Variants in ALKBH7 observed in about 807,000 individuals in gnomAD.
ALKBH7 encodes RNA demethylase ALKBH7, mitochondrial.
A neutral mutation model predicts 19.3 loss-of-function variants in ALKBH7; 21 were observed. The ratio of observed to expected loss-of-function variants is 1.09; its 90% CI spans 0.77 to 1.56. The LOEUF (loss-of-function observed/expected upper bound fraction) is 1.56, where lower values mean the gene tolerates loss of function less well. ALKBH7 is among the 40% of genes most tolerant of loss of function. The probability of loss-of-function intolerance (pLI) is 0.00; values close to 1 mark genes in which losing one functional copy is unlikely to be tolerated. For missense variants in ALKBH7, 354 were observed against 311.4 expected (o/e 1.14, Z -1.03); for synonymous variants, 147 against 139.5 (o/e 1.05, Z -0.38).
intron 1 of ALKBH7, chr19:6,373,854 C>T (rs1031735772): frequency 1.5e-6 from 2 of 1,311,772 alleles, no homozygotes; most frequent in Non-Finnish European, 1.9e-6. Flanking sequence ...AGGGAGAGCA[C>T]TTTTGCGACC....
rs760902515 is a variant in ALKBH7, at chr19:6,374,825, A to T, written c.518A>T (p.Tyr173Phe). The part of the protein sequence containing the change: ...SLYILRGSAR[Y>F]DFSHEILRDE... ...TCTTCCTGCAGGGGCTCAGCCCGTT[A>T]TGACTTCTCCCATGAGATCCTTCGG... The change falls in exon 4 of 4, where the codon TAT becomes TTT. Residue 173 changes from tyrosine to phenylalanine, a missense_variant. Transcript: ENST00000245812. The T allele has an allele frequency of 8.1e-6, 13 of 1,613,058 alleles. No individual in the cohort carries two copies. The highest frequency in any genetic ancestry group is 8.5e-6 in the Non-Finnish European group (10 of 1,179,230).
In ALKBH7 at chr19:6,374,221, G is replaced by C. The variant is rs781720510; in HGVS notation, c.223G>C (p.Glu75Gln). Residue 75 changes from glutamate (E) to glutamine (Q), a missense_variant, in exon 2 of 4, where the codon GAG (glutamate) becomes CAG (glutamine). Physicochemically the swap from Glu to Gln is conservative, Grantham distance 29 (BLOSUM62 2). Transcript: ENST00000245812. ...TGTGCAGGCCATCCACGGCTTCCGAGAGACAGAGAAGTCGCGCTGGTCAGA... is the reference window on the plus strand; with the variant it reads ...TGTGCAGGCCATCCACGGCTTCCGACAGACAGAGAAGTCGCGCTGGTCAGA... ...HWDAAIHGFR[E>Q]TEKSRWSEAS... 6.2e-7 allele frequency: 1 copy of C among 1,613,152 alleles called. No individual in the cohort carries two copies. The highest frequency in any genetic ancestry group is 1.1e-5 in the South Asian group (1 of 91,068).
intron 1 of ALKBH7, chr19:6,373,743 G>C: frequency 7.9e-7 from 1 of 1,261,784 alleles, no homozygotes; most frequent in South Asian, 3.3e-5. Flanking sequence ...TTTTGGGGTC[G>C]GTAGCTATTG....
In ALKBH7 at chr19:6,372,902, C is replaced by T. The variant is rs1320215156; in HGVS notation, c.82C>T (p.Arg28Cys). 7.7e-5 allele frequency: 120 copies of T among 1,554,030 alleles called. No individual in the cohort carries two copies. The highest frequency in any genetic ancestry group is 9.8e-5 in the Non-Finnish European group (113 of 1,152,052). Residue 28 changes from arginine (R) to cysteine (C), a missense_variant, in exon 1 of 4, where the codon CGC becomes TGC. Coordinates refer to ENST00000245812, the MANE Select transcript of ALKBH7 (RefSeq NM_032306.4). ...VRGSGPSVLS[R>C]LQDAAVVRPG... Reference sequence around the variant, plus strand: ...AGGCTCGGGCCCTTCCGTGCTGAGCCGCCTGCAGGACGCGGCCGTGGTGCG... The same window carrying T: ...AGGCTCGGGCCCTTCCGTGCTGAGCTGCCTGCAGGACGCGGCCGTGGTGCG...
intron 1 of ALKBH7, 125 bp from the exon 2 acceptor site, chr19:6,374,078 T>G: frequency 2.6e-6 from 4 of 1,537,438 alleles, no homozygotes; most frequent in Non-Finnish European, 3.5e-6. Flanking sequence ...CTAGGGGAGT[T>G]TGAGTTGAGG....
chr19:6,374,497 C>T lies in ALKBH7; in HGVS notation c.411C>T (p.Leu137=). Residue 137 remains leucine (L), a synonymous_variant, in exon 3 of 4, where the codon CTC becomes CTT. Transcript: ENST00000245812. ...GGGCCACCATCGCCGGCCTGTCTCTCCTGTCTCCCAGCGTTATGCGGCTGG... is the reference window on the plus strand; with the variant it reads ...GGGCCACCATCGCCGGCCTGTCTCTTCTGTCTCCCAGCGTTATGCGGCTGG... ...FCGATIAGLS[L]LSPSVMRLVH... The T allele has an allele frequency of 6.2e-7, 1 of 1,614,074 alleles. No homozygotes were observed. Among genetic ancestry groups the T allele is most frequent in the Non-Finnish European group, 8.5e-7 (1 of 1,179,980 alleles).
At chr19:6,373,615 G>C in intron 1 of ALKBH7, 1 of 1,236,842 alleles carries the variant, frequency 8.1e-7, no homozygotes, top group Non-Finnish European at 1.0e-6. Flanking sequence ...GTGGAGTCAA[G>C]CGCCGGGATG....
At chr19:6,373,536 G>T in intron 1 of ALKBH7, 10 of 783,782 alleles carry the variant, frequency 1.3e-5, no homozygotes, top group Non-Finnish European at 1.7e-5. Flanking sequence ...GAACGTGGCG[G>T]CTGGGATTGG....
At chr19:6,374,685 A>G in intron 3 of ALKBH7, 96 bp downstream of exon 3, 2 of 1,604,302 alleles carry the variant, frequency 1.2e-6, no homozygotes, top group East Asian at 4.5e-5. Flanking sequence ...CTCCCCGAAG[A>G]CGCCTTTACC....
intron 3 of ALKBH7, 104 bp from the exon 4 acceptor site, chr19:6,374,707 G>T: frequency 6.2e-7 from 1 of 1,600,240 alleles, no homozygotes; most frequent in Non-Finnish European, 8.5e-7. Flanking sequence ...CAGGGTCTGT[G>T]TGGGAGGCAG....
In ALKBH7 at chr19:6,374,280, G is replaced by A. The variant is rs746006525; in HGVS notation, c.282G>A (p.Ala94=). 1.2e-6 allele frequency: 2 copies of A among 1,613,040 alleles called. No homozygotes were observed. Among genetic ancestry groups the A allele is most frequent in the South Asian group, 2.2e-5 (2 of 91,046 alleles). ...GGGCCATCCTGCAGCGCGTGCAGGC[G>A]GCCGCCTTTGGCCCCGGCCAGACCC... is the stretch of plus-strand genomic sequence containing the variant. ...ASRAILQRVQ[A]AAFGPGQTLL... The change falls in exon 2 of 4, where the codon GCG becomes GCA. Residue 94 remains alanine (A), a synonymous_variant. Coordinates refer to ENST00000245812, the MANE Select transcript of ALKBH7 (RefSeq NM_032306.4).
At chr19:6,373,045 G>A (rs1172309637) in intron 1 of ALKBH7, 21 bp downstream of exon 1, 11 of 1,546,468 alleles carry the variant, frequency 7.1e-6, no homozygotes, top group Middle Eastern at 2.3e-4. Flanking sequence ...CAGCGCCGGG[G>A]GCGAGGGACG....
rs746090472 is a variant in ALKBH7, at chr19:6,375,063, C to T, written c.*90C>T. 4.1e-5 allele frequency: 61 copies of T among 1,476,856 alleles called. No individual in the cohort carries two copies. The African/African-American group carries it at 6.7e-4, about 16-fold the overall frequency. The allele number at this position is 1,476,856 out of a possible 1,614,324, so 91.5% of individuals were successfully genotyped here. The stretch of plus-strand genomic sequence containing the variant: ...CATTGCAGTGGCTGCTTGCTGGGGC[C>T]GGGATTTGCAGGGGAACCCAGGATG... On this transcript the variant is annotated 3_prime_UTR_variant, in exon 4 of 4. Coordinates refer to ENST00000245812, the MANE Select transcript of ALKBH7 (RefSeq NM_032306.4).
Position 6,374,582 on chromosome 19 carries a change from A to G in ALKBH7, c.496A>G (p.Ile166Val). Residue 166 changes from isoleucine to valine, a missense_variant, in exon 3 of 4, where the codon ATC (isoleucine) becomes GTC (valine). By Grantham distance (29) the Ile-to-Val change is conservative. Coordinates refer to ENST00000245812, the MANE Select transcript of ALKBH7 (RefSeq NM_032306.4). Reference sequence around the variant, plus strand: ...CTTGCTGGAGCCGGGCTCCCTCTACATCCTTAGGTACCTCCATCCAGGCAG... The same window carrying G: ...CTTGCTGGAGCCGGGCTCCCTCTACGTCCTTAGGTACCTCCATCCAGGCAG... Reference protein sequence around the residue: ...ELLLEPGSLYILRGSARYDFS... With the variant: ...ELLLEPGSLYVLRGSARYDFS... 2 of 1,612,842 alleles carry G rather than the reference A, an allele frequency of 1.2e-6. No homozygotes were observed. Among genetic ancestry groups the G allele is most frequent in the Non-Finnish European group, 1.7e-6 (2 of 1,179,894 alleles).
chr19:6,372,840 T>TGGCGCTGCG lies in ALKBH7; in HGVS notation c.22_30dup (p.Ala8_Arg10dup), dbSNP rs1276412508. 6 of 1,546,658 alleles carry TGGCGCTGCG rather than the reference T, an allele frequency of 3.9e-6. No individual in the cohort carries two copies. In the African/African-American group the frequency reaches 6.8e-5, roughly 18 times the overall value. On this transcript the variant is annotated inframe_insertion, in exon 1 of 4. Transcript: ENST00000245812. ...GGGATTATGGCCGGGACTGGGCTGC[T>TGGCGCTGCG]GGCGCTGCGGACGCTGCCAGGGCCC...
At position 6,375,146 on chromosome 19, in the gene ALKBH7, A is replaced by G; in HGVS notation, c.*173A>G. On this transcript the variant is annotated 3_prime_UTR_variant, in exon 4 of 4. Transcript: ENST00000245812. ...GGCTGGACACATGGTCAAAGTCACAAGGCCGGGAGAGTGGTGTCCTTTATT... is the reference window on the plus strand; with the variant it reads ...GGCTGGACACATGGTCAAAGTCACAGGGCCGGGAGAGTGGTGTCCTTTATT... 1 of 1,285,652 alleles carries G rather than the reference A, an allele frequency of 7.8e-7. No individual in the cohort carries two copies. Among genetic ancestry groups the G allele is most frequent in the South Asian group, 1.7e-5 (1 of 60,460 alleles). The allele number at this position is 1,285,652 out of a possible 1,614,324, so 79.6% of individuals were successfully genotyped here.
intron 1 of ALKBH7, 174 bp from the exon 2 acceptor site, chr19:6,374,029 G>A: frequency 3.0e-6 from 3 of 985,196 alleles, no homozygotes; most frequent in Non-Finnish European, 3.6e-6. Flanking sequence ...TGAGTACTAA[G>A]GACTGAGGTC....
At chr19:6,373,884 G>A in intron 1 of ALKBH7, 2 of 1,328,120 alleles carry the variant, frequency 1.5e-6, no homozygotes, top group Non-Finnish European at 9.6e-7. Flanking sequence ...GGTTAGGGGC[G>A]GAAACGGATG....
In ALKBH7 at chr19:6,374,209, C is replaced by G; in HGVS notation, c.211C>G (p.His71Asp). 2 of 1,612,894 alleles carry G rather than the reference C, an allele frequency of 1.2e-6. No individual in the cohort carries two copies. The highest frequency in any genetic ancestry group is 2.2e-5 in the East Asian group (1 of 44,882). ...YEYDHWDAAI[H>D]GFRETEKSRW... ...AACCGAGCTCTCTGTGCAGGCCATC[C>G]ACGGCTTCCGAGAGACAGAGAAGTC... Residue 71 changes from histidine (H) to aspartate (D), a missense_variant, in exon 2 of 4, where the codon CAC becomes GAC. His to Asp is a moderately conservative substitution (Grantham distance 81). Transcript: ENST00000245812.
Sources: gnomAD v4.1 joint callset for allele counts on GRCh38, gnomAD v4.1.1 for gene constraint, MANE v1.5 for transcripts, NCBI Gene and HGNC (gene_info 2026-07-23, HGNC 2026-07-21) for gene names.